Variants in DGKI observed in about 807,000 individuals in gnomAD.
The protein encoded by DGKI is DAG kinase iota.
In DGKI, 55 loss-of-function variants were observed where a neutral mutation model predicts 147.5. That is an observed-to-expected ratio of 0.37 (90% CI 0.30 to 0.47). The LOEUF is 0.47. Among genes scored for constraint, DGKI ranks in the 20% least tolerant of loss-of-function variants. The probability of loss-of-function intolerance (pLI) is 1.00; values close to 1 mark genes in which losing one functional copy is unlikely to be tolerated. For missense variants in DGKI, 1,007 were observed against 1,323.8 expected (o/e 0.76, Z 3.71); for synonymous variants, 469 against 477.1 (o/e 0.98, Z 0.22).
At chr7:137,581,722 G>T in intron 15 of DGKI, 128 bp downstream of exon 15, 1 of 748,340 alleles carries the variant, frequency 1.3e-6, no homozygotes, top group Non-Finnish European at 2.2e-6. Flanking sequence ...GAGTCATCCT[G>T]AAGGTTAAAA....
chr7:137,444,749 T>C (rs1379888188), intron 27 of DGKI, among the ~76,000 whole-genome samples: 2 of 152,192 alleles, frequency 1.3e-5, no homozygotes, highest in African/African-American at 4.8e-5. Context: ...TAATCAGATC[T>C]CAAATGAAAA....
chr7:137,641,134 C>G (rs997196027), intron 6 of DGKI, among the ~76,000 whole-genome samples: 1 of 152,112 alleles, frequency 6.6e-6, no homozygotes, highest in Non-Finnish European at 1.5e-5. Context: ...ATGGGAGTTT[C>G]CCTGCACAAG....
intron 19 of DGKI, among the ~76,000 whole-genome samples, chr7:137,567,879 A>G (rs930463385): frequency 6.6e-6 from 1 of 152,190 alleles, no homozygotes; most frequent in African/African-American, 2.4e-5. Context: ...CATATGATGT[A>G]TATATGACAT....
rs771968937 is a variant in DGKI at position 137,389,197 on chromosome 7, G to A, written c.*2023C>T. Reference sequence around the variant, plus strand: ...AAAGCCCAGTGATTAAATTCTCCTGGAGCATATTTTTCCAGCTTCTGGAAA... The same window carrying A: ...AAAGCCCAGTGATTAAATTCTCCTGAAGCATATTTTTCCAGCTTCTGGAAA... On this transcript the variant is annotated 3_prime_UTR_variant, in exon 33 of 33. Transcript: ENST00000614521. The A allele has an allele frequency of 6.6e-6, 1 of 152,064 alleles. No individual in the cohort carries two copies. The highest frequency in any genetic ancestry group is 2.4e-5 in the African/African-American group (1 of 41,408). The allele number at this position is 152,064 out of a possible 1,614,324, so 9.4% of individuals were successfully genotyped here. A position where few individuals can be genotyped will look rare whatever the true frequency, so the allele number is the denominator to read the frequency against.
intron 5 of DGKI, among the ~76,000 whole-genome samples, chr7:137,649,493 C>A (rs183829811): frequency 1.2e-4 from 18 of 152,162 alleles, no homozygotes; most frequent in Admixed American, 1.0e-3. Flanking sequence ...AAGTACTGGG[C>A]AAGGAAAGGG....
intron 6 of DGKI, among the ~76,000 whole-genome samples, chr7:137,642,969 T>TGTGC (rs1821689277): frequency 1.3e-5 from 2 of 150,214 alleles, no homozygotes; most frequent in Non-Finnish European, 3.0e-5. Context: ...TGTGTGTGTG[T>TGTGC]GTATGGGGGA....
intron 3 of DGKI, among the ~76,000 whole-genome samples, chr7:137,674,986 C>T (rs1329716569): frequency 6.6e-6 from 1 of 152,196 alleles, no homozygotes. Flanking sequence ...GCAGGTAGTA[C>T]CTGGTTATGG....
intron 32 of DGKI, among the ~76,000 whole-genome samples, chr7:137,393,695 A>G (rs1811446764): frequency 6.6e-6 from 1 of 152,212 alleles, no homozygotes; most frequent in Non-Finnish European, 1.5e-5. Context: ...CCAATTAGCT[A>G]GCCAGACAGG....
intron 1 of DGKI, among the ~76,000 whole-genome samples, chr7:137,808,316 A>G (rs892348195): frequency 2.0e-5 from 3 of 152,230 alleles, no homozygotes; most frequent in Non-Finnish European, 4.4e-5. Flanking sequence ...TAATCATAAA[A>G]TATTTATTTC....
At chr7:137,574,157 A>G (rs1818889408) in intron 17 of DGKI, among the ~76,000 whole-genome samples, 1 of 152,144 alleles carries the variant, frequency 6.6e-6, no homozygotes, top group Non-Finnish European at 1.5e-5. Flanking sequence ...TTTTTTTCCC[A>G]GTCGATCTCC....
intron 19 of DGKI, among the ~76,000 whole-genome samples, chr7:137,565,937 A>C (rs1424191717): frequency 6.6e-6 from 1 of 152,188 alleles, no homozygotes; most frequent in Non-Finnish European, 1.5e-5. Flanking sequence ...AAGAGTCTAA[A>C]AGAAACAGTC....
At chr7:137,735,887 C>T (rs114263442) in intron 1 of DGKI, among the ~76,000 whole-genome samples, 2,455 of 152,168 alleles carry the variant, frequency 0.016, 66 homozygotes, top group African/African-American at 0.056. Context: ...CCACACTAAA[C>T]GCCTGTGCTA....
At chr7:137,503,254 T>C (rs2128943617) in intron 21 of DGKI, among the ~76,000 whole-genome samples, 1 of 152,252 alleles carries the variant, frequency 6.6e-6, no homozygotes, top group Non-Finnish European at 1.5e-5. Flanking sequence ...AATGCAACTA[T>C]ACAATTGTGA....
At chr7:137,501,600 C>T (rs79858331) in intron 21 of DGKI, among the ~76,000 whole-genome samples, 4,874 of 152,146 alleles carry the variant, frequency 0.032, 112 homozygotes, top group Non-Finnish European at 0.048. Context: ...CCTTGTAGAC[C>T]GACTCTGAGG....
intron 1 of DGKI, among the ~76,000 whole-genome samples, chr7:137,728,746 CT>C (rs1488082043): frequency 2.0e-5 from 3 of 152,108 alleles, no homozygotes; most frequent in Non-Finnish European, 2.9e-5. Context: ...GCCAATCAAC[CT>C]CTTTGTTCAT....
chr7:137,495,483 T>A (rs1563053117), intron 21 of DGKI, among the ~76,000 whole-genome samples: 2 of 104,132 alleles, frequency 1.9e-5, no homozygotes, highest in South Asian at 6.4e-4. Flanking sequence ...ACCATCCTGA[T>A]ACCAAAACCT....
intron 10 of DGKI, among the ~76,000 whole-genome samples, chr7:137,604,707 G>T (rs1352773110): frequency 6.6e-6 from 1 of 152,126 alleles, no homozygotes; most frequent in African/African-American, 2.4e-5. Flanking sequence ...TCATCCTAGA[G>T]GTCAGAACAT....
chr7:137,693,244 T>TA (rs886821711), intron 1 of DGKI, among the ~76,000 whole-genome samples: 42 of 151,486 alleles, frequency 2.8e-4, no homozygotes, highest in Middle Eastern at 3.4e-3. Context: ...TTGCTCCTAT[T>TA]AAAAAAAAAT....
intron 1 of DGKI, among the ~76,000 whole-genome samples, chr7:137,774,336 G>T (rs1307279791): frequency 1.3e-5 from 2 of 151,966 alleles, no homozygotes; most frequent in Non-Finnish European, 2.9e-5. Context: ...ATAGGTCAAA[G>T]AGAGATTTTC....
Sources: gnomAD v4.1 joint callset for allele counts (sites outside exome capture counted in the v4.1 genomes callset) on GRCh38, gnomAD v4.1.1 for gene constraint, MANE v1.5 for transcripts, NCBI Gene and HGNC (gene_info 2026-07-23, HGNC 2026-07-21) for gene names.